Variants in GDAP1 observed in about 807,000 individuals in gnomAD.
GDAP1 encodes ganglioside-induced differentiation-associated protein 1.
GDAP1 carries 34 observed loss-of-function variants against 40.1 expected under a neutral mutation model. That is an observed-to-expected ratio of 0.85 (90% CI 0.64 to 1.13). The LOEUF is 1.13. Among genes scored for constraint, GDAP1 ranks in the 50% most tolerant of loss-of-function variants. The pLI, the probability that GDAP1 is intolerant of heterozygous loss-of-function variation, is 0.00. For missense variants in GDAP1, 374 were observed against 433.7 expected, an observed-to-expected ratio of 0.86 and a Z score of 1.22; for synonymous variants, 170 against 157.4, an observed-to-expected ratio of 1.08 and a Z score of -0.60.
chr8:74,441,774 G>A (rs181195674), intron 2 of GDAP1, among the ~76,000 whole-genome samples: 4 of 152,092 alleles, frequency 2.6e-5, no homozygotes, highest in East Asian at 1.9e-4. Flanking sequence ...TATCTCTATC[G>A]GTAGGAAATT....
intron 2 of GDAP1, among the ~76,000 whole-genome samples, chr8:74,439,466 T>G (rs1394639951): frequency 6.6e-6 from 1 of 152,150 alleles, no homozygotes; most frequent in Admixed American, 6.5e-5. Flanking sequence ...ATTAGTTCAT[T>G]TTCTATCTTG....
At chr8:74,472,967 A>G (rs948660244) in intron 2 of GDAP1, among the ~76,000 whole-genome samples, 9 of 151,916 alleles carry the variant, frequency 5.9e-5, no homozygotes, top group African/African-American at 1.9e-4. Context: ...CCAGGCTGAC[A>G]CTGAACTCAT....
rs894406046 is a variant in GDAP1, at chr8:74,375,313, C to T, written c.165+23992C>T. ...CTGCACTCCAGCCTGGGCCATGGAG[C>T]GAGACTCTGTCTCAAAAAAAAAAAG... On this transcript the variant is annotated intron_variant, in intron 2 of 2. Coordinates refer to the GDAP1 transcript ENST00000523640. Among the ~76,000 whole-genome samples, 10 of 141,404 alleles carry T rather than the reference C, an allele frequency of 7.1e-5. No homozygotes were observed. The South Asian group carries it at 2.1e-3, about 30-fold the overall frequency. The allele number at this position is 141,404 out of a possible 152,430, so 92.8% of individuals were successfully genotyped here.
At position 74,480,466 on chromosome 8, in the gene GDAP1, C is replaced by T. The variant is rs1256446145; in HGVS notation, c.166-8212C>T. Among the ~76,000 whole-genome samples, 6 of 152,258 alleles carry T rather than the reference C, an allele frequency of 3.9e-5. No homozygotes were observed. The East Asian group carries it at 7.7e-4, about 20-fold the overall frequency. On this transcript the variant is annotated intron_variant, in intron 2 of 2. Coordinates refer to the GDAP1 transcript ENST00000523640. ...AAGGTCTGAACTAGAATATTGGTTG[C>T]ACAGGCAGAGAAACGTTAAGCATCA...
At chr8:74,394,450 C>T (rs1438032103) in intron 2 of GDAP1, among the ~76,000 whole-genome samples, 2 of 152,148 alleles carry the variant, frequency 1.3e-5, no homozygotes, top group African/African-American at 2.4e-5. Context: ...GTAGAACCTT[C>T]TAGTGGTTGT....
chr8:74,468,203 A>G (rs559053044), intron 2 of GDAP1, among the ~76,000 whole-genome samples: 22 of 151,860 alleles, frequency 1.4e-4, no homozygotes, highest in Admixed American at 2.6e-4. Flanking sequence ...TTGTTGGGCT[A>G]ATTCATCTTC....
At chr8:74,461,235 G>A (rs983496158) in intron 2 of GDAP1, among the ~76,000 whole-genome samples, 13 of 152,146 alleles carry the variant, frequency 8.5e-5, no homozygotes, top group African/African-American at 2.9e-4. Context: ...TAAAAATGGG[G>A]TACATAATAA....
At chr8:74,428,227 TAAC>T (rs112829936) in intron 2 of GDAP1, among the ~76,000 whole-genome samples, 8,877 of 151,314 alleles carry the variant, frequency 0.059, 333 homozygotes, top group East Asian at 0.12. Flanking sequence ...ACCCCATTGC[TAAC>T]AACAACAACA....
At position 74,360,052 on chromosome 8, in the gene GDAP1, T is replaced by C. The variant is rs3780014; in HGVS notation, c.311-85T>C. ...ACAGATATGTTGAAAATGTTAATGATGAGTGGATAGTGTTTTTGTTTTGCT... is the reference window on the plus strand; with the variant it reads ...ACAGATATGTTGAAAATGTTAATGACGAGTGGATAGTGTTTTTGTTTTGCT... On this transcript the variant is annotated intron_variant, in intron 2 of 5. Coordinates refer to ENST00000220822, the MANE Select transcript of GDAP1 (RefSeq NM_018972.4). 0.46 allele frequency: 410,697 copies of C among 899,628 alleles called. 94,402 individuals carry two copies. Among genetic ancestry groups the C allele is most frequent in the African/African-American group, 0.59 (35,906 of 61,298 alleles). 55.7% of individuals were successfully genotyped at this position (899,628 alleles called of 1,614,324 possible). A position where few individuals can be genotyped will look rare whatever the true frequency, so the allele number is the denominator to read the frequency against.
intron 3 of GDAP1, among the ~76,000 whole-genome samples, chr8:74,360,864 A>G (rs1390056900): frequency 1.3e-5 from 2 of 152,216 alleles, no homozygotes; most frequent in Admixed American, 6.5e-5. Flanking sequence ...GGTGTGCTTT[A>G]TAGCAGAGAT....
intron 2 of GDAP1, among the ~76,000 whole-genome samples, chr8:74,409,774 A>G (rs1330341624): frequency 6.7e-6 from 1 of 149,924 alleles, no homozygotes; most frequent in Non-Finnish European, 1.5e-5. Flanking sequence ...ATGATTGCCT[A>G]AGCAACCACT....
intron 2 of GDAP1, among the ~76,000 whole-genome samples, chr8:74,374,515 A>G (rs188673992): frequency 2.0e-5 from 3 of 152,324 alleles, no homozygotes; most frequent in Non-Finnish European, 4.4e-5. Context: ...AAAAAAATCA[A>G]TGCAGCAACC....
At chr8:74,439,512 T>G (rs1412269980) in intron 2 of GDAP1, among the ~76,000 whole-genome samples, 1 of 152,078 alleles carries the variant, frequency 6.6e-6, no homozygotes, top group East Asian at 1.9e-4. Flanking sequence ...CTATATTTTA[T>G]AATAGGTCTT....
At chr8:74,473,861 A>C (rs1806593097) in intron 2 of GDAP1, among the ~76,000 whole-genome samples, 1 of 152,132 alleles carries the variant, frequency 6.6e-6, no homozygotes, top group Admixed American at 6.5e-5. Flanking sequence ...TGGTAGTTTG[A>C]TAGGAATAGC....
chr8:74,371,532 C>T (rs530711197), downstream of GDAP1, among the ~76,000 whole-genome samples: 60 of 151,808 alleles, frequency 4.0e-4, 1 homozygote, highest in South Asian at 3.1e-3. Context: ...TGGTAGCGGG[C>T]GCCTGTAGTC....
At chr8:74,378,983 A>T (rs181213292) in intron 2 of GDAP1, among the ~76,000 whole-genome samples, 112 of 152,134 alleles carry the variant, frequency 7.4e-4, no homozygotes, top group African/African-American at 2.7e-3. Context: ...TGGTCCTTGG[A>T]GTATTGTTTT....
chr8:74,450,341 A>ATGTT (rs1245095520), intron 2 of GDAP1, among the ~76,000 whole-genome samples: 1 of 151,866 alleles, frequency 6.6e-6, no homozygotes, highest in East Asian at 1.9e-4. Context: ...TGTTCTATAA[A>ATGTT]TGTTAGATAA....
chr8:74,477,313 G>C (rs1006190587), intron 2 of GDAP1, among the ~76,000 whole-genome samples: 1 of 152,180 alleles, frequency 6.6e-6, no homozygotes, highest in Non-Finnish European at 1.5e-5. Flanking sequence ...ATCTCAGCCT[G>C]GTTAAGTACC....
chr8:74,480,330 G>A (rs906112997), intron 2 of GDAP1, among the ~76,000 whole-genome samples: 1 of 152,130 alleles, frequency 6.6e-6, no homozygotes, highest in Non-Finnish European at 1.5e-5. Context: ...AAAGTACTGG[G>A]CTATTTTTGC....
Sources: allele counts gnomAD v4.1 joint callset (sites outside exome capture counted in the v4.1 genomes callset), GRCh38; gene constraint gnomAD v4.1.1; transcripts MANE v1.5; gene names NCBI Gene and HGNC (gene_info 2026-07-23, HGNC 2026-07-21).